SIGLEC11: variants seen among roughly 807,000 people sequenced by gnomAD.
SIGLEC11 encodes sialic acid-binding Ig-like lectin 11.
A neutral mutation model predicts 61.2 loss-of-function variants in SIGLEC11; 47 were observed. That is an observed-to-expected ratio of 0.77 (90% CI 0.61 to 0.98). SIGLEC11 has a LOEUF of 0.98. Ranked by LOEUF, SIGLEC11 falls within the 50% of genes least tolerant of loss-of-function variation. SIGLEC11 has a pLI of 0.00. For synonymous variants in SIGLEC11, 278 were observed against 373.1 expected (o/e 0.75, Z 2.94); for missense variants, 610 against 870.3 (o/e 0.70, Z 3.76).
chr19:49,956,522 T>G (rs1291330198), intron 8 of SIGLEC11, among the ~76,000 whole-genome samples: 3 of 152,162 alleles, frequency 2.0e-5, no homozygotes, highest in African/African-American at 7.2e-5. Flanking sequence ...TTGAAACAAT[T>G]AGACCGTCTT....
chr19:49,950,175 G>C lies in SIGLEC11; in HGVS notation c.1892C>G (p.Thr631Ser), dbSNP rs374770988. 2.5e-6 allele frequency: 4 copies of C among 1,609,722 alleles called. No homozygotes were observed. Among genetic ancestry groups the C allele is most frequent in the Non-Finnish European group, 3.4e-6 (4 of 1,178,888 alleles). ...SQDHPPPGAATYTPGKGEEQE... is the reference protein window; with the variant it reads ...SQDHPPPGAASYTPGKGEEQE... ...CTCTTCCCCCTTCCCCGGGGTGTAGGTGGCTGCACCTGGGGGCGGGTGGTC... is the reference window on the plus strand; with the variant it reads ...CTCTTCCCCCTTCCCCGGGGTGTAGCTGGCTGCACCTGGGGGCGGGTGGTC... Residue 631 changes from threonine (T) to serine (S), a missense_variant, in exon 11 of 11, where the codon ACC becomes AGC. Physicochemically the swap from Thr to Ser is moderately conservative, Grantham distance 58 (BLOSUM62 1). Coordinates refer to ENST00000447370, the MANE Select transcript of SIGLEC11 (RefSeq NM_052884.3).
rs771866761 is a variant in SIGLEC11 at position 49,958,715 on chromosome 19, C to T, written c.1291G>A (p.Glu431Lys). The change falls in exon 7 of 11, where the codon GAA becomes AAA. Residue 431 changes from glutamate to lysine, a missense_variant. Glu to Lys is a moderately conservative substitution (Grantham distance 56, BLOSUM62 1). Transcript: ENST00000447370. Reference protein sequence around the residue: ...LELPPIQMEHEGEFTCHAQHP... With the variant: ...LELPPIQMEHKGEFTCHAQHP... The stretch of plus-strand genomic sequence containing the variant: ...TGAGCGTGGCAGGTGAACTCTCCTT[C>T]GTGCTCCATTTGAATGGGTGGCAGC... 40 of 1,613,388 alleles carry T rather than the reference C, an allele frequency of 2.5e-5. No homozygotes were observed. Among genetic ancestry groups the T allele is most frequent in the Non-Finnish European group, 3.2e-5 (38 of 1,179,652 alleles).
rs140702198 is a variant in SIGLEC11, at chr19:49,952,305, C to G, written c.1741G>C (p.Val581Leu). 2.9e-4 allele frequency: 462 copies of G among 1,612,558 alleles called. 1 individual carries two copies. The highest frequency in any genetic ancestry group is 2.8e-4 in the Non-Finnish European group (332 of 1,179,922). ...CTGCCCTCCGATGCTTACCTGAAGA[C>G]GACAAGGCAGGAACAGAAAGCGAGC... The part of the protein sequence containing the change: ...ALLAFCSCLV[V>L]FRVKICRKEA... Residue 581 changes from valine (V) to leucine (L), a missense_variant, in exon 9 of 11, where the codon GTC becomes CTC. Val to Leu is a conservative substitution (Grantham distance 32, BLOSUM62 1). Coordinates refer to ENST00000447370, the MANE Select transcript of SIGLEC11 (RefSeq NM_052884.3).
Position 49,951,920 on chromosome 19 carries a change from C to A in SIGLEC11, c.1801G>T (p.Val601Leu), listed in dbSNP as rs752100706. 4.3e-6 allele frequency: 7 copies of A among 1,609,356 alleles called. No homozygotes were observed. Among genetic ancestry groups the A allele is most frequent in the Non-Finnish European group, 8.5e-7 (1 of 1,178,192 alleles). Residue 601 changes from valine to leucine, a missense_variant, in exon 10 of 11, where the codon GTG (valine) becomes TTG (leucine). Transcript: ENST00000447370. This position sits in a 1 kb window ranked among gnomAD's most constrained non-coding sequence, Gnocchi z 4.6. ...GAGATGGGTCCCAGGGTGGAGGGCA[C>A]GTCCTGCTCAGCTGCTGCCCTCTTG... Reference protein sequence around the residue: ...ARKRAAAEQDVPSTLGPISQG... With the variant: ...ARKRAAAEQDLPSTLGPISQG...
At position 49,960,953 on chromosome 19, in the gene SIGLEC11, C is replaced by G. The variant is rs2076242984; in HGVS notation, c.77-18G>C. The G allele has an allele frequency of 7.1e-7, 1 of 1,400,256 alleles. No homozygotes were observed. The highest frequency in any genetic ancestry group is 9.8e-7 in the Non-Finnish European group (1 of 1,023,476). The allele number at this position is 1,400,256 out of a possible 1,614,324, so 86.7% of individuals were successfully genotyped here. A position where few individuals can be genotyped will look rare whatever the true frequency, so the allele number is the denominator to read the frequency against. ...CAGGGACCCTGGGGAGATGCAGAGGCTCAGCGGCAGCCCCAGCCCCTGCCT... is the reference window on the plus strand; with the variant it reads ...CAGGGACCCTGGGGAGATGCAGAGGGTCAGCGGCAGCCCCAGCCCCTGCCT... On this transcript the variant is annotated intron_variant, in intron 1 of 10. Coordinates refer to ENST00000447370, the MANE Select transcript of SIGLEC11 (RefSeq NM_052884.3).
In SIGLEC11 at chr19:49,952,370, A is replaced by T. The variant is rs551370409; in HGVS notation, c.1676T>A (p.Leu559His). 3 of 1,608,170 alleles carry T rather than the reference A, an allele frequency of 1.9e-6. No individual in the cohort carries two copies. The highest frequency in any genetic ancestry group is 2.5e-6 in the Non-Finnish European group (3 of 1,179,936). The change falls in exon 9 of 11, where the codon CTT (leucine) becomes CAT (histidine). Residue 559 changes from leucine (L) to histidine (H), a missense_variant. Leu to His is a moderately conservative substitution (Grantham distance 99). Around this residue, in one of 6 missense-constraint regions of SIGLEC11, gnomAD observed 432 missense variants for 441.5 expected, o/e 0.98. Coordinates refer to ENST00000447370, the MANE Select transcript of SIGLEC11 (RefSeq NM_052884.3). Reference sequence around the variant, plus strand: ...AGCTCCCAGGGCAGCCCCCAGGCCAAGTCCTCCCCCATGCTCCAGCTTCCC... The same window carrying T: ...AGCTCCCAGGGCAGCCCCCAGGCCATGTCCTCCCCCATGCTCCAGCTTCCC... ...LPGKLEHGGG[L>H]GLGAALGAGV...
In SIGLEC11 at chr19:49,958,518, G is replaced by C; in HGVS notation, c.1416C>G (p.His472Gln). Residue 472 changes from histidine (H) to glutamine (Q), a missense_variant, in exon 8 of 11, where the codon CAC becomes CAG. Physicochemically the swap from His to Gln is conservative, Grantham distance 24. This residue lies in a region of SIGLEC11 where 432 missense variants were observed against 441.5 expected (regional missense o/e 0.98). Transcript: ENST00000447370. ...GGCTGGCCTGGGAGGAGCAGCTGCA[G>C]TGCAGACCCTCAGCCTCCCAGGAGC... ...PSCSWEAEGL[H>Q]CSCSSQASPA... 6.2e-7 allele frequency: 1 copy of C among 1,601,216 alleles called. No homozygotes were observed. The highest frequency in any genetic ancestry group is 8.5e-7 in the Non-Finnish European group (1 of 1,174,056).
At chr19:49,952,425 C>T (rs1417526423) in intron 8 of SIGLEC11, 31 bp from the exon 9 acceptor site, 1 of 1,568,006 alleles carries the variant, frequency 6.4e-7, no homozygotes, top group Non-Finnish European at 8.7e-7. Flanking sequence ...GGGTGGTGCC[C>T]TCCTGGCCCT....
Position 49,958,334 on chromosome 19 carries a change from C to A in SIGLEC11, c.1600G>T (p.Ala534Ser), listed in dbSNP as rs756801533. The A allele has an allele frequency of 6.8e-6, 11 of 1,614,242 alleles. No homozygotes were observed. The South Asian group carries it at 1.2e-4, about 18-fold the overall frequency. Residue 534 changes from alanine to serine, a missense_variant, in exon 8 of 11, where the codon GCC (alanine) becomes TCC (serine). Physicochemically the swap from Ala to Ser is moderately conservative, Grantham distance 99. This residue lies in a region of SIGLEC11 where 432 missense variants were observed against 441.5 expected (regional missense o/e 0.98). Transcript: ENST00000447370. ...CTCTGGGCCCCGTGGACGTTCCAGG[C>A]CTTACAGCGGAGCCTGAGGCCGGAG... Reference protein sequence around the residue: ...LSSGLRLRCKAWNVHGAQSGS... With the variant: ...LSSGLRLRCKSWNVHGAQSGS...
rs1435004462 is a variant in SIGLEC11, at chr19:49,952,372, T to TC, written c.1673dup (p.Leu559ThrfsTer40). The TC allele has an allele frequency of 1.1e-5, 17 of 1,607,696 alleles. No individual in the cohort carries two copies. Among genetic ancestry groups the TC allele is most frequent in the Non-Finnish European group, 1.4e-5 (17 of 1,179,902 alleles). On this transcript the variant is annotated frameshift_variant, in exon 9 of 11. Coordinates refer to ENST00000447370, the MANE Select transcript of SIGLEC11 (RefSeq NM_052884.3). LOFTEE classifies it high-confidence loss of function. ...CTCCCAGGGCAGCCCCCAGGCCAAG[T>TC]CCTCCCCCATGCTCCAGCTTCCCTG...
In SIGLEC11 at chr19:49,960,658, G is replaced by A; in HGVS notation, c.354C>T (p.Ile118=). 6.2e-7 allele frequency: 1 copy of A among 1,607,972 alleles called. No individual in the cohort carries two copies. The highest frequency in any genetic ancestry group is 8.5e-7 in the Non-Finnish European group (1 of 1,179,564). Residue 118 remains isoleucine (I), a synonymous_variant, in exon 2 of 11, where the codon ATC becomes ATT. Coordinates refer to ENST00000447370, the MANE Select transcript of SIGLEC11 (RefSeq NM_052884.3). ...CCTCATCCTCCCTCTGCGCGTCTCT[G>A]ATCACCAAGGAGCAGCTCCCTTTGC... The part of the protein sequence containing the change: ...DPGKGSCSLV[I]RDAQREDEAW...
In SIGLEC11 at chr19:49,960,767, G is replaced by A. The variant is rs368670465; in HGVS notation, c.245C>T (p.Thr82Met). 3.7e-5 allele frequency: 59 copies of A among 1,613,650 alleles called. No homozygotes were observed. Among genetic ancestry groups the A allele is most frequent in the Admixed American group, 8.3e-5 (5 of 59,992 alleles). ...GTTGTTAGTGGCCACAGGAGCACCCGTCTTTGGGCTGGTCCGTCCTTTGAA... is the reference window on the plus strand; with the variant it reads ...GTTGTTAGTGGCCACAGGAGCACCCATCTTTGGGCTGGTCCGTCCTTTGAA... The part of the protein sequence containing the change: ...YWFKGRTSPK[T>M]GAPVATNNQS... The change falls in exon 2 of 11, where the codon ACG (threonine) becomes ATG (methionine). Residue 82 changes from threonine to methionine, a missense_variant. Transcript: ENST00000447370.
At position 49,949,223 on chromosome 19, in the gene SIGLEC11, T is replaced by A. The variant is rs970993119; in HGVS notation, c.*747A>T. On this transcript the variant is annotated 3_prime_UTR_variant, in exon 11 of 11. Transcript: ENST00000447370. ...AGGCTGGTCTTGAACTCCTGACTTG[T>A]GATCCACCCACTTCAGCCTCCCAAA... is the stretch of plus-strand genomic sequence containing the variant. 10 of 151,352 alleles carry A rather than the reference T, an allele frequency of 6.6e-5. No homozygotes were observed. The highest frequency in any genetic ancestry group is 1.5e-4 in the Non-Finnish European group (10 of 67,946). 9.4% of individuals were successfully genotyped at this position (151,352 alleles called of 1,614,324 possible).
chr19:49,952,018 C>T (rs1436468006), intron 9 of SIGLEC11, 46 bp from the exon 10 acceptor site: 2 of 1,551,830 alleles, frequency 1.3e-6, no homozygotes, highest in African/African-American at 2.7e-5. Flanking sequence ...TGGTCCAGAG[C>T]CTGGGGAAAC....
chr19:49,957,967 G>A (rs184556939), intron 8 of SIGLEC11, among the ~76,000 whole-genome samples: 1,556 of 152,028 alleles, frequency 0.01, 18 homozygotes, highest in Non-Finnish European at 0.012. Flanking sequence ...CTCCAGCCTT[G>A]CTGACAGAGC....
rs1367973824 is a variant in SIGLEC11 at position 49,959,081 on chromosome 19, A to T, written c.1058-4T>A. The T allele has an allele frequency of 6.2e-7, 1 of 1,613,824 alleles. No individual in the cohort carries two copies. The highest frequency in any genetic ancestry group is 1.7e-5 in the Admixed American group (1 of 60,000). On this transcript the variant is annotated splice_region_variant and splice_polypyrimidine_tract_variant and intron_variant, in intron 5 of 10. Transcript: ENST00000447370. ...ACTCTCAGGTTCTCTGGAGGATCTG[A>T]AATGGAGACAGGGGACCGGCTCTAG...
chr19:49,961,124 C>G lies in SIGLEC11; in HGVS notation c.-43G>C. ...CTGGCTGGGAAGGAAACTCCTCCAG[C>G]AGGAAGCCTGGTGGAGGGGCAGTGA... On this transcript the variant is annotated 5_prime_UTR_variant, in exon 1 of 11. Coordinates refer to ENST00000447370, the MANE Select transcript of SIGLEC11 (RefSeq NM_052884.3). The G allele has an allele frequency of 4.0e-6, 6 of 1,513,814 alleles. No homozygotes were observed. Among genetic ancestry groups the G allele is most frequent in the Non-Finnish European group, 5.3e-6 (6 of 1,137,826 alleles). 93.8% of individuals were successfully genotyped at this position (1,513,814 alleles called of 1,614,324 possible).
chr19:49,951,942 C>T lies in SIGLEC11; in HGVS notation c.1779G>A (p.Lys593=). ...RVKICRKEAR[K]RAAAEQDVPS... ...GCACGTCCTGCTCAGCTGCTGCCCT[C>T]TTGCGAGCTTCCTTCCTGCAGATCT... Residue 593 remains lysine (K), a synonymous_variant, in exon 10 of 11, where the codon AAG becomes AAA. Transcript: ENST00000447370. This position sits in a 1 kb window ranked among gnomAD's most constrained non-coding sequence, Gnocchi z 4.6. 1 of 1,611,226 alleles carries T rather than the reference C, an allele frequency of 6.2e-7. No individual in the cohort carries two copies. Among genetic ancestry groups the T allele is most frequent in the Non-Finnish European group, 8.5e-7 (1 of 1,179,082 alleles).
chr19:49,957,154 C>CA (rs1292552015), intron 8 of SIGLEC11, among the ~76,000 whole-genome samples: 1 of 152,100 alleles, frequency 6.6e-6, no homozygotes, highest in Non-Finnish European at 1.5e-5. Context: ...AGCATTCAAT[C>CA]AACTATAAAG....
Sources: gnomAD v4.1 joint callset for allele counts (sites outside exome capture counted in the v4.1 genomes callset) on GRCh38, gnomAD v4.1.1 for gene constraint, gnomAD v4.1.1 regional missense constraint, Gnocchi (gnomAD v3.1) non-coding constraint, MANE v1.5 for transcripts, NCBI Gene and HGNC (gene_info 2026-07-23, HGNC 2026-07-21) for gene names.